Variants in APCDD1L observed in about 807,000 individuals in gnomAD.
The protein encoded by APCDD1L is APC down-regulated 1 like, also known as protein APCDD1-like.
In APCDD1L, 21 loss-of-function variants were observed where a neutral mutation model predicts 24.2. The ratio of observed to expected loss-of-function variants is 0.87; its 90% CI spans 0.61 to 1.25. The LOEUF is 1.25. APCDD1L is among the 50% of genes most tolerant of loss of function. APCDD1L has a pLI of 0.00. For missense variants in APCDD1L, 704 were observed against 711.7 expected (o/e 0.99, Z 0.12); for synonymous variants, 321 against 323.6 (o/e 0.99, Z 0.09).
chr20:58,474,775 G>A (rs546267203), intron 1 of APCDD1L, among the ~76,000 whole-genome samples: 8 of 152,210 alleles, frequency 5.3e-5, no homozygotes, highest in Non-Finnish European at 1.2e-4. Context: ...GAACAATTTG[G>A]TGGCATTAGG....
chr20:58,482,927 T>C, intron 1 of APCDD1L, among the ~76,000 whole-genome samples: 1 of 152,208 alleles, frequency 6.6e-6, no homozygotes, highest in East Asian at 1.9e-4. Context: ...TACTGTGTGC[T>C]TGGCCATGGG....
At chr20:58,465,007 C>A (rs58605741) in intron 3 of APCDD1L, among the ~76,000 whole-genome samples, 2 of 152,062 alleles carry the variant, frequency 1.3e-5, no homozygotes, top group Non-Finnish European at 2.9e-5. Context: ...CCAGGTTGGC[C>A]GGGCAGCAGG....
At chr20:58,471,523 C>T (rs1017188127) in intron 1 of APCDD1L, among the ~76,000 whole-genome samples, 1 of 152,240 alleles carries the variant, frequency 6.6e-6, no homozygotes, top group Non-Finnish European at 1.5e-5. Context: ...GCAGGCGCTG[C>T]AGCACAAGCT....
At chr20:58,468,004 AC>A (rs1170037827) in intron 2 of APCDD1L, among the ~76,000 whole-genome samples, 1 of 151,854 alleles carries the variant, frequency 6.6e-6, no homozygotes, top group African/African-American at 2.4e-5. Context: ...GACTCTGGGC[AC>A]CTGGCCCAGA....
rs996326994 is a variant in APCDD1L, at chr20:58,460,640, A to G, written c.*150T>C. 7.9e-5 allele frequency: 84 copies of G among 1,066,936 alleles called. No homozygotes were observed. The highest frequency in any genetic ancestry group is 1.1e-4 in the Non-Finnish European group (83 of 784,384). The allele number at this position is 1,066,936 out of a possible 1,614,324, so 66.1% of individuals were successfully genotyped here. On this transcript the variant is annotated 3_prime_UTR_variant, in exon 4 of 4. Transcript: ENST00000371149. This position sits in a 1 kb window ranked among gnomAD's most constrained non-coding sequence, Gnocchi z 4.2. ...GGGTTAAGCTCATGTCCTGAGCCAC[A>G]TGGGACACAGGCAGAGTTTGGAAGC...
intron 3 of APCDD1L, among the ~76,000 whole-genome samples, chr20:58,466,088 T>TA (rs1989699483): frequency 7.4e-6 from 1 of 135,686 alleles, no homozygotes; most frequent in South Asian, 2.3e-4. Context: ...CATTATACAG[T>TA]AAAGTTACGT....
intron 1 of APCDD1L, among the ~76,000 whole-genome samples, chr20:58,495,587 C>T (rs1449398405): frequency 3.9e-5 from 6 of 152,162 alleles, no homozygotes; most frequent in South Asian, 2.1e-4. Flanking sequence ...GAACCCAACA[C>T]GTCTAGGTTG....
intron 1 of APCDD1L, among the ~76,000 whole-genome samples, chr20:58,514,244 C>T (rs1190729910): frequency 6.6e-6 from 1 of 152,182 alleles, no homozygotes; most frequent in Non-Finnish European, 1.5e-5. Flanking sequence ...GTCAGGATTC[C>T]GTGGGCAAAA....
At chr20:58,509,263 C>T (rs538096380) in intron 1 of APCDD1L, among the ~76,000 whole-genome samples, 2 of 152,220 alleles carry the variant, frequency 1.3e-5, no homozygotes, top group South Asian at 4.2e-4. Context: ...CTGTGAGCCA[C>T]GTCAGGGCCT....
chr20:58,510,991 G>A (rs1015692914), intron 1 of APCDD1L, among the ~76,000 whole-genome samples: 3 of 152,200 alleles, frequency 2.0e-5, no homozygotes, highest in Non-Finnish European at 4.4e-5. Flanking sequence ...GGAGACTTTA[G>A]AGCAGCATCT....
intron 1 of APCDD1L, among the ~76,000 whole-genome samples, chr20:58,492,771 C>A (rs919749821): frequency 6.6e-6 from 1 of 152,282 alleles, no homozygotes; most frequent in African/African-American, 2.4e-5. Context: ...CATGCACAAA[C>A]ACATACACAT....
rs143619828 is a variant in APCDD1L at position 58,499,871 on chromosome 20, T to C, written c.49+14788A>G. On this transcript the variant is annotated intron_variant, in intron 1 of 3. Transcript: ENST00000371149. Reference sequence around the variant, plus strand: ...ACCTCTTTTTTTTCTCTCATAAGTATGCAAACCTGCTCCACTGTCTCTCAC... The same window carrying C: ...ACCTCTTTTTTTTCTCTCATAAGTACGCAAACCTGCTCCACTGTCTCTCAC... 2.0e-3 allele frequency among the ~76,000 whole-genome samples: 303 copies of C among 152,356 alleles called. 1 individual carries two copies. The highest frequency in any genetic ancestry group is 0.01 in the Middle Eastern group (3 of 294).
At chr20:58,472,092 A>T (rs922382476) in intron 1 of APCDD1L, among the ~76,000 whole-genome samples, 1 of 152,170 alleles carries the variant, frequency 6.6e-6, no homozygotes, top group Non-Finnish European at 1.5e-5. Context: ...CCTGACCCCA[A>T]ACTCTCTGTG....
chr20:58,497,438 G>A lies in APCDD1L; in HGVS notation c.49+17221C>T, dbSNP rs1174149770. ...GAGGAATTTACATTCTCATCCTGCT[G>A]GAGGCCATGAGTCTGGGCTCATGAG... On this transcript the variant is annotated intron_variant, in intron 1 of 3. Coordinates refer to ENST00000371149, the MANE Select transcript of APCDD1L (RefSeq NM_153360.3). This position sits in a 1 kb window ranked among gnomAD's most constrained non-coding sequence, Gnocchi z 4.3. 6.6e-6 allele frequency among the ~76,000 whole-genome samples: 1 copy of A among 152,146 alleles called. No homozygotes were observed. The highest frequency in any genetic ancestry group is 1.5e-5 in the Non-Finnish European group (1 of 68,016).
At chr20:58,513,486 C>A (rs1339112123) in intron 1 of APCDD1L, among the ~76,000 whole-genome samples, 1 of 152,176 alleles carries the variant, frequency 6.6e-6, no homozygotes, top group Non-Finnish European at 1.5e-5. Flanking sequence ...CCTTCAGACC[C>A]CTGCCAGTTC....
intron 1 of APCDD1L, among the ~76,000 whole-genome samples, chr20:58,471,591 C>T (rs1433147581): frequency 6.6e-6 from 1 of 152,182 alleles, no homozygotes. Flanking sequence ...AAGTGAAGCC[C>T]GGGAGTGGGA....
Position 58,460,862 on chromosome 20 carries a change from T to C in APCDD1L, c.1434A>G (p.Thr478=), listed in dbSNP as rs1989582092. The change falls in exon 4 of 4, where the codon ACA becomes ACG. Residue 478 remains threonine (T), a synonymous_variant. Coordinates refer to ENST00000371149, the MANE Select transcript of APCDD1L (RefSeq NM_153360.3). The surrounding 1 kb of genome is among the most constrained non-coding windows in gnomAD (Gnocchi z 4.2). The stretch of plus-strand genomic sequence containing the variant: ...GGAAGGGGGCTATGTGAAGACCCCC[T>C]GTGCTGGGGTGCTTCTGCAGCGATG... ...HRPSLQKHPS[T]GGLHIAPFPL... 1 of 1,574,008 alleles carries C rather than the reference T, an allele frequency of 6.4e-7. No homozygotes were observed. Among genetic ancestry groups the C allele is most frequent in the Non-Finnish European group, 8.6e-7 (1 of 1,157,936 alleles).
chr20:58,492,666 T>G (rs1460820460), intron 1 of APCDD1L, among the ~76,000 whole-genome samples: 2 of 152,274 alleles, frequency 1.3e-5, no homozygotes, highest in Non-Finnish European at 2.9e-5. Flanking sequence ...TACAAACATT[T>G]TCTGTGAATC....
chr20:58,469,894 T>A (rs575732660), intron 2 of APCDD1L, among the ~76,000 whole-genome samples: 1 of 152,304 alleles, frequency 6.6e-6, no homozygotes, highest in African/African-American at 2.4e-5. Flanking sequence ...GGCCACAGCC[T>A]CCCTTTTCCC....
Sources: allele counts gnomAD v4.1 joint callset (sites outside exome capture counted in the v4.1 genomes callset), GRCh38; gene constraint gnomAD v4.1.1; non-coding constraint Gnocchi (gnomAD v3.1); transcripts MANE v1.5; gene names NCBI Gene and HGNC (gene_info 2026-07-23, HGNC 2026-07-21).